The following PPIG variants were observed in gnomAD, a reference collection of about 807,000 sequenced individuals.
PPIG encodes the protein peptidylprolyl isomerase G, also known as peptidyl-prolyl cis-trans isomerase G.
A neutral mutation model predicts 87.9 loss-of-function variants in PPIG; 26 were observed. That is an observed-to-expected ratio of 0.30 (90% CI 0.22 to 0.41). The LOEUF is 0.41. Among genes scored for constraint, PPIG ranks in the 10% least tolerant of loss-of-function variants. The probability of loss-of-function intolerance (pLI) is 1.00; values close to 1 mark genes in which losing one functional copy is unlikely to be tolerated. For synonymous variants in PPIG, 308 were observed against 276.5 expected, an observed-to-expected ratio of 1.11 and a Z score of -1.13; for missense variants, 722 against 879.4, an observed-to-expected ratio of 0.82 and a Z score of 2.26.
chr2:169,614,585 G>T lies in PPIG; in HGVS notation c.408G>T (p.Gly136=). ...AATAATTTTTTACTTGACACTTTAG[G>T]CATCATGTTGTTTTTGGACAAGTAA... ...ITTKPTPHLD[G]HHVVFGQVIS... The change falls in exon 9 of 14, where the codon GGG becomes GGT. Residue 136 remains glycine, a splice_region_variant and synonymous_variant. Coordinates refer to ENST00000260970, the MANE Select transcript of PPIG (RefSeq NM_004792.3). 1.3e-6 allele frequency: 2 copies of T among 1,599,636 alleles called. No homozygotes were observed. Among genetic ancestry groups the T allele is most frequent in the Non-Finnish European group, 8.5e-7 (1 of 1,176,194 alleles).
chr2:169,629,772 A>G (rs1685987773), intron 9 of PPIG, among the ~76,000 whole-genome samples: 2 of 152,186 alleles, frequency 1.3e-5, no homozygotes, highest in East Asian at 1.9e-4. Flanking sequence ...TTTTAACACT[A>G]TAATTTCTTT....
intron 10 of PPIG, among the ~76,000 whole-genome samples, chr2:169,631,195 T>C (rs1488177247): frequency 6.6e-6 from 1 of 152,160 alleles, no homozygotes; most frequent in African/African-American, 2.4e-5. Context: ...CATTTTTTTG[T>C]GTACTCAATG....
chr2:169,614,631 A>G lies in PPIG; in HGVS notation c.454A>G (p.Arg152Gly), dbSNP rs1375863438. 1 of 1,613,266 alleles carries G rather than the reference A, an allele frequency of 6.2e-7. No homozygotes were observed. The highest frequency in any genetic ancestry group is 1.1e-5 in the South Asian group (1 of 90,984). Residue 152 changes from arginine (R) to glycine (G), a missense_variant, in exon 9 of 14, where the codon AGA becomes GGA. Physicochemically the swap from Arg to Gly is moderately radical, Grantham distance 125. Around this residue, in one of 4 missense-constraint regions of PPIG, gnomAD observed 99 missense variants for 215.8 expected, o/e 0.46. Transcript: ENST00000260970. Reference protein sequence around the residue: ...GQVISGQEVVREIENQKTDAA... With the variant: ...GQVISGQEVVGEIENQKTDAA... ...AGTAATCTCTGGTCAAGAAGTTGTA[A>G]GAGAGATTGAAAACCAGAAAACAGA...
At chr2:169,628,223 AT>A (rs1320030876) in intron 9 of PPIG, among the ~76,000 whole-genome samples, 1 of 152,248 alleles carries the variant, frequency 6.6e-6, no homozygotes, top group East Asian at 1.9e-4. Context: ...CACTGTCATG[AT>A]TTCCAGGCAC....
At chr2:169,619,269 TGAG>T (rs1685682048) in intron 9 of PPIG, among the ~76,000 whole-genome samples, 10 of 152,218 alleles carry the variant, frequency 6.6e-5, no homozygotes, top group Admixed American at 6.5e-4. Flanking sequence ...TTGCACTTGA[TGAG>T]GAGTGTTTTA....
At chr2:169,606,177 C>A in intron 5 of PPIG, 31 bp downstream of exon 5, 1 of 1,460,210 alleles carries the variant, frequency 6.8e-7, no homozygotes, top group South Asian at 1.1e-5. Flanking sequence ...GTATTATTTT[C>A]TGTTAAATAT....
intron 1 of PPIG, among the ~76,000 whole-genome samples, chr2:169,597,225 A>C (rs1299592021): frequency 6.6e-6 from 1 of 152,114 alleles, no homozygotes; most frequent in African/African-American, 2.4e-5. Flanking sequence ...ATAAAGTGAA[A>C]AATCTTAGCC....
chr2:169,599,833 G>A (rs1685127142), intron 1 of PPIG, among the ~76,000 whole-genome samples: 3 of 152,060 alleles, frequency 2.0e-5, no homozygotes, highest in African/African-American at 4.8e-5. Context: ...CCTAAGCACT[G>A]CTTAAGAAAA....
intron 13 of PPIG, 78 bp from the exon 14 acceptor site, chr2:169,636,335 T>C: frequency 6.8e-7 from 1 of 1,464,124 alleles, no homozygotes. Context: ...TTAAGAAAAG[T>C]AGAATATCAT....
chr2:169,636,223 G>A lies in PPIG; in HGVS notation c.1149G>A (p.Gly383=). The change falls in exon 13 of 14, where the codon GGG becomes GGA. Residue 383 remains glycine (G), a synonymous_variant. Coordinates refer to ENST00000260970, the MANE Select transcript of PPIG (RefSeq NM_004792.3). The stretch of plus-strand genomic sequence containing the variant: ...CAAGTGGTGAAAGATGGATCAAGGG[G>A]GATAAGTAAGATTTAACTATTATTA... ...RVSSGERWIK[G]DKSELNEIKE... is the part of the protein sequence containing the mutation. The A allele has an allele frequency of 1.3e-6, 2 of 1,591,988 alleles. No individual in the cohort carries two copies. Among genetic ancestry groups the A allele is most frequent in the Non-Finnish European group, 1.7e-6 (2 of 1,173,820 alleles).
At chr2:169,586,272 CAGTT>C (rs1206257946) in intron 1 of PPIG, among the ~76,000 whole-genome samples, 6 of 152,112 alleles carry the variant, frequency 3.9e-5, no homozygotes, top group African/African-American at 1.4e-4. Flanking sequence ...TCTAGGCAGT[CAGTT>C]GTCAGGAGTG....
chr2:169,611,532 A>G (rs1685487514), intron 7 of PPIG, among the ~76,000 whole-genome samples: 2 of 152,224 alleles, frequency 1.3e-5, no homozygotes, highest in Non-Finnish European at 2.9e-5. Flanking sequence ...TGCAGTTTTA[A>G]TATTTAAGAA....
chr2:169,625,786 G>T (rs1162109872), intron 9 of PPIG, among the ~76,000 whole-genome samples: 1 of 151,764 alleles, frequency 6.6e-6, no homozygotes, highest in Non-Finnish European at 1.5e-5. Context: ...TTCTGAAAAT[G>T]TCTTTATTTC....
At chr2:169,608,242 G>A (rs1191436455) in intron 6 of PPIG, among the ~76,000 whole-genome samples, 1 of 151,980 alleles carries the variant, frequency 6.6e-6, no homozygotes, top group South Asian at 2.1e-4. Context: ...TGTAATCCCA[G>A]CACTTTGGGA....
intron 1 of PPIG, among the ~76,000 whole-genome samples, chr2:169,589,103 A>G (rs865896397): frequency 6.6e-6 from 1 of 152,032 alleles, no homozygotes; most frequent in Admixed American, 6.6e-5. Context: ...CAGATCGTAT[A>G]TATAGTAAGT....
chr2:169,621,071 A>G lies in PPIG; in HGVS notation c.547+6347A>G, dbSNP rs1685734734. On this transcript the variant is annotated intron_variant, in intron 9 of 13. Coordinates refer to ENST00000260970, the MANE Select transcript of PPIG (RefSeq NM_004792.3). ...ACTGTGTCAGGAAAAGAGACCTCAA[A>G]CCCAAGTTCGAGAATTAGAACTTTT... 1.3e-5 allele frequency among the ~76,000 whole-genome samples: 2 copies of G among 151,996 alleles called. 1 individual carries two copies. Among genetic ancestry groups the G allele is most frequent in the South Asian group, 4.1e-4 (2 of 4,832 alleles).
intron 1 of PPIG, among the ~76,000 whole-genome samples, chr2:169,601,609 T>G (rs969159258): frequency 6.6e-6 from 1 of 152,020 alleles, no homozygotes; most frequent in Non-Finnish European, 1.5e-5. Context: ...GCATTCCAGG[T>G]GGAGAGAACA....
chr2:169,594,380 T>TG (rs1387877395), intron 1 of PPIG, among the ~76,000 whole-genome samples: 1 of 151,526 alleles, frequency 6.6e-6, no homozygotes, highest in Non-Finnish European at 1.5e-5. Flanking sequence ...GTTTCCTGAT[T>TG]ACGAAATTGA....
chr2:169,607,047 A>C, intron 5 of PPIG, 57 bp from the exon 6 acceptor site: 1 of 1,040,126 alleles, frequency 9.6e-7, no homozygotes, highest in Non-Finnish European at 1.4e-6. Context: ...TATTTTGTTT[A>C]GGTATCACCT....
Sources: allele counts gnomAD v4.1 joint callset (sites outside exome capture counted in the v4.1 genomes callset), GRCh38; gene constraint gnomAD v4.1.1; regional missense constraint gnomAD v4.1.1; transcripts MANE v1.5; gene names NCBI Gene and HGNC (gene_info 2026-07-23, HGNC 2026-07-21).